PTPRT: variants seen among roughly 807,000 people sequenced by gnomAD.
PTPRT encodes the protein receptor-type tyrosine-protein phosphatase T.
Under a neutral mutation model 176.8 loss-of-function variants are expected in PTPRT, and 56 were observed. The ratio of observed to expected loss-of-function variants is 0.32; its 90% CI spans 0.26 to 0.40. The LOEUF is 0.40. PTPRT is among the 10% of genes least tolerant of loss of function. The pLI, the probability that PTPRT is intolerant of heterozygous loss-of-function variation, is 1.00. For synonymous variants in PTPRT, 783 were observed against 739.0 expected (o/e 1.06, Z -0.96); for missense variants, 1,540 against 1,908.2 (o/e 0.81, Z 3.60).
chr20:43,002,056 C>T (rs1468211993), intron 1 of PTPRT, among the ~76,000 whole-genome samples: 2 of 152,116 alleles, frequency 1.3e-5, no homozygotes, highest in Non-Finnish European at 2.9e-5. Flanking sequence ...ACGCGGTTCT[C>T]GTGATAGTGA....
intron 6 of PTPRT, among the ~76,000 whole-genome samples, chr20:42,755,688 T>C (rs899346456): frequency 2.6e-5 from 4 of 152,016 alleles, no homozygotes; most frequent in Middle Eastern, 6.8e-3. Context: ...AATAATCTGG[T>C]TCAATAGAAT....
At chr20:42,317,911 G>A (rs1216982284) in intron 11 of PTPRT, among the ~76,000 whole-genome samples, 1 of 152,192 alleles carries the variant, frequency 6.6e-6, no homozygotes, top group Non-Finnish European at 1.5e-5. Flanking sequence ...AGTTCAGAGT[G>A]CATGTGAGTG....
intron 13 of PTPRT, among the ~76,000 whole-genome samples, chr20:42,263,371 C>CTT (rs11477690): frequency 0.02 from 1,026 of 50,976 alleles, 325 homozygotes; most frequent in African/African-American, 0.11. Flanking sequence ...CCATGCCTGG[C>CTT]TTTTTTTTTT....
chr20:42,683,741 G>A (rs141841999), intron 6 of PTPRT, among the ~76,000 whole-genome samples: 74 of 152,294 alleles, frequency 4.9e-4, no homozygotes, highest in Middle Eastern at 3.4e-3. Flanking sequence ...ATGGACTGAG[G>A]ATCAAAAAGG....
At chr20:42,817,389 G>A (rs1174799895) in intron 2 of PTPRT, among the ~76,000 whole-genome samples, 1 of 141,484 alleles carries the variant, frequency 7.1e-6, no homozygotes, top group Admixed American at 7.1e-5. Flanking sequence ...TGGTTTAACA[G>A]ATCTTTGAAA....
In PTPRT at chr20:42,199,295, G is replaced by T; in HGVS notation, c.2436C>A (p.Ser812Arg). 1 of 1,614,192 alleles carries T rather than the reference G, an allele frequency of 6.2e-7. No individual in the cohort carries two copies. Among genetic ancestry groups the T allele is most frequent in the African/African-American group, 1.3e-5 (1 of 75,066 alleles). Reference protein sequence around the residue: ...ASADKPTTKLSASRNDEGFSS... With the variant: ...ASADKPTTKLRASRNDEGFSS... The stretch of plus-strand genomic sequence containing the variant: ...AGAAGCCTTCATCATTGCGGCTGGC[G>T]CTGAGCTTGGTGGTGGGTTTGTCGG... Residue 812 changes from serine (S) to arginine (R), a missense_variant, in exon 16 of 31, where the codon AGC becomes AGA. Ser to Arg is a moderately radical substitution (Grantham distance 110). This residue lies in a region of PTPRT where 255 missense variants were observed against 250.1 expected (regional missense o/e 1.02). Coordinates refer to ENST00000373187, the MANE Select transcript of PTPRT (RefSeq NM_007050.6).
chr20:42,933,507 T>C (rs1444259381), intron 1 of PTPRT, among the ~76,000 whole-genome samples: 1 of 152,214 alleles, frequency 6.6e-6, no homozygotes, highest in Non-Finnish European at 1.5e-5. Flanking sequence ...AAAGTAGGCA[T>C]ACAGTGAGTG....
At chr20:43,018,529 G>T (rs370740688) in intron 1 of PTPRT, among the ~76,000 whole-genome samples, 1 of 152,116 alleles carries the variant, frequency 6.6e-6, no homozygotes, top group Non-Finnish European at 1.5e-5. Context: ...GAGAGTTTTC[G>T]AATTGCAAAA....
At chr20:42,549,361 A>C (rs1330531462) in intron 7 of PTPRT, among the ~76,000 whole-genome samples, 1 of 152,196 alleles carries the variant, frequency 6.6e-6, no homozygotes, top group Admixed American at 6.6e-5. Flanking sequence ...CGTTTAAAAT[A>C]CTCAGATTAA....
intron 7 of PTPRT, among the ~76,000 whole-genome samples, chr20:42,610,909 T>G (rs2073964700): frequency 6.8e-6 from 1 of 146,824 alleles, no homozygotes; most frequent in Non-Finnish European, 1.5e-5. Flanking sequence ...ACTTACCTAT[T>G]CTGAACATTG....
At chr20:42,558,245 G>A (rs985946228) in intron 7 of PTPRT, among the ~76,000 whole-genome samples, 3 of 151,954 alleles carry the variant, frequency 2.0e-5, no homozygotes, top group Non-Finnish European at 4.4e-5. Flanking sequence ...ACAGTATTTG[G>A]TTTTGTCTTC....
At chr20:42,067,248 G>A in the PTPRT span, among the ~76,000 whole-genome samples, 2 of 152,148 alleles carry the variant, frequency 1.3e-5, no homozygotes, top group Non-Finnish European at 2.9e-5. Flanking sequence ...AGGCAGAGCT[G>A]GTACGGGGAG....
chr20:42,062,959 G>A, the PTPRT span, among the ~76,000 whole-genome samples: 4 of 152,210 alleles, frequency 2.6e-5, no homozygotes, highest in Non-Finnish European at 5.9e-5. Context: ...CCTGGAGGAT[G>A]CTCCTCAGAG....
At chr20:42,150,865 C>T (rs1989096121) in intron 17 of PTPRT, among the ~76,000 whole-genome samples, 1 of 152,116 alleles carries the variant, frequency 6.6e-6, no homozygotes, top group South Asian at 2.1e-4. Context: ...TATTAAAACT[C>T]ATAAAACTGT....
At chr20:43,180,113 G>A (rs867502985) in intron 1 of PTPRT, among the ~76,000 whole-genome samples, 8 of 152,160 alleles carry the variant, frequency 5.3e-5, no homozygotes, top group South Asian at 2.1e-4. Context: ...AGAGAAGGGC[G>A]ATTCTGCTCT....
chr20:42,993,970 A>G (rs1234977791), intron 1 of PTPRT, among the ~76,000 whole-genome samples: 1 of 152,180 alleles, frequency 6.6e-6, no homozygotes, highest in Admixed American at 6.5e-5. Context: ...CTCTCCACTC[A>G]GTATAGTCTT....
chr20:42,418,430 G>A (rs1313973182), intron 9 of PTPRT, among the ~76,000 whole-genome samples: 1 of 152,156 alleles, frequency 6.6e-6, no homozygotes, highest in Non-Finnish European at 1.5e-5. Context: ...CACATTATCA[G>A]CCTTACTTAG....
At chr20:42,436,502 C>T (rs6030236) in intron 9 of PTPRT, among the ~76,000 whole-genome samples, 119,426 of 152,150 alleles carry the variant, frequency 0.78, 47,160 homozygotes, top group Admixed American at 0.83. Flanking sequence ...CATTTTATAT[C>T]TATTTAGTCA....
At chr20:42,496,813 T>C (rs889795130) in intron 7 of PTPRT, among the ~76,000 whole-genome samples, 2 of 152,140 alleles carry the variant, frequency 1.3e-5, no homozygotes, top group African/African-American at 4.8e-5. Flanking sequence ...ACATCTTCAA[T>C]GGTGTAATCC....
Sources: allele counts gnomAD v4.1 joint callset (sites outside exome capture counted in the v4.1 genomes callset), GRCh38; gene constraint gnomAD v4.1.1; regional missense constraint gnomAD v4.1.1; transcripts MANE v1.5; gene names NCBI Gene and HGNC (gene_info 2026-07-23, HGNC 2026-07-21).